The following NADK2 variants were observed in gnomAD, a reference collection of about 807,000 sequenced individuals.
NADK2 encodes the protein NAD kinase domain-containing protein 1, mitochondrial.
Under a neutral mutation model 62.1 loss-of-function variants are expected in NADK2, and 35 were observed. The observed-to-expected ratio is 0.56, with a 90% CI of 0.43 to 0.75. The LOEUF (loss-of-function observed/expected upper bound fraction) is 0.75. Ranked by LOEUF, NADK2 falls within the 30% of genes least tolerant of loss-of-function variation. NADK2 has a pLI of 0.00. For synonymous variants in NADK2, 205 were observed against 207.9 expected (o/e 0.99, Z 0.12); for missense variants, 439 against 561.3 (o/e 0.78, Z 2.20).
intron 7 of NADK2, 29 bp from the exon 8 acceptor site, chr5:36,207,294 C>T (rs750073963): frequency 6.5e-7 from 1 of 1,530,872 alleles, no homozygotes; most frequent in Middle Eastern, 1.7e-4. Flanking sequence ...AAACTGTTTG[C>T]TGAGCTTATG....
intron 10 of NADK2, among the ~76,000 whole-genome samples, chr5:36,199,669 C>G (rs1431800668): frequency 6.6e-6 from 1 of 152,040 alleles, no homozygotes; most frequent in Non-Finnish European, 1.5e-5. Flanking sequence ...CTTTAACCCC[C>G]TCTTTTTACA....
chr5:36,199,065 G>C (rs186172925), intron 10 of NADK2, among the ~76,000 whole-genome samples: 65 of 151,918 alleles, frequency 4.3e-4, no homozygotes, highest in Non-Finnish European at 6.6e-4. Flanking sequence ...GTAGGGGGTG[G>C]GGGGAGGAAT....
intron 1 of NADK2, among the ~76,000 whole-genome samples, chr5:36,237,674 C>T (rs1214783877): frequency 6.6e-6 from 1 of 152,138 alleles, no homozygotes; most frequent in Non-Finnish European, 1.5e-5. Context: ...AAGAAGTGAT[C>T]AGAAGTGAAG....
rs762969043 is a variant in NADK2, at chr5:36,226,578, GA to G, written c.390-16del. 6.9e-6 allele frequency: 11 copies of G among 1,585,056 alleles called. No homozygotes were observed. In the East Asian group the frequency reaches 2.2e-4, roughly 32 times the overall value. On this transcript the variant is annotated splice_polypyrimidine_tract_variant and intron_variant, in intron 2 of 11. Transcript: ENST00000381937. ...TTCCCTCATTCCTAGGATAAAAAAGGAAAGGTTATATGAAATTTCCACTAAT... is the reference window on the plus strand; with the variant it reads ...TTCCCTCATTCCTAGGATAAAAAAGGAAGGTTATATGAAATTTCCACTAAT...
At chr5:36,211,383 C>T (rs1021608123) in intron 7 of NADK2, among the ~76,000 whole-genome samples, 6 of 151,888 alleles carry the variant, frequency 4.0e-5, no homozygotes, top group Non-Finnish European at 5.9e-5. Flanking sequence ...TGGTGAAACC[C>T]CATCTCTACT....
At position 36,195,042 on chromosome 5, in the gene NADK2, C is replaced by T; in HGVS notation, c.*102G>A. On this transcript the variant is annotated 3_prime_UTR_variant, in exon 12 of 12. Coordinates refer to ENST00000381937, the MANE Select transcript of NADK2 (RefSeq NM_001085411.3). ...TCTCACTTCTGAGCCCACGGGCAAGCAGTCTCAACAATAACCAAAAAATGT... is the reference window on the plus strand; with the variant it reads ...TCTCACTTCTGAGCCCACGGGCAAGTAGTCTCAACAATAACCAAAAAATGT... 4 of 1,227,744 alleles carry T rather than the reference C, an allele frequency of 3.3e-6. No individual in the cohort carries two copies. Among genetic ancestry groups the T allele is most frequent in the Non-Finnish European group, 4.5e-6 (4 of 889,680 alleles). 76.1% of individuals were successfully genotyped at this position (1,227,744 alleles called of 1,614,324 possible).
At chr5:36,200,477 C>T (rs1024858345) in intron 9 of NADK2, among the ~76,000 whole-genome samples, 197 bp from the exon 10 acceptor site, 2 of 151,750 alleles carry the variant, frequency 1.3e-5, no homozygotes, top group African/African-American at 4.8e-5. Context: ...CAGTAGCCCC[C>T]CCTCGCCCTT....
chr5:36,207,064 C>A (rs1746666908), intron 8 of NADK2, 106 bp downstream of exon 8: 2 of 857,332 alleles, frequency 2.3e-6, no homozygotes. Context: ...ACCTACATAA[C>A]ACCACCAGGA....
chr5:36,221,999 A>G (rs1747288191), intron 4 of NADK2: 1 of 151,838 alleles, frequency 6.6e-6, no homozygotes, highest in Non-Finnish European at 1.5e-5. Context: ...TCATTTTTCA[A>G]TTCATTTATT....
chr5:36,212,174 C>T (rs776365158), intron 6 of NADK2: 1 of 296,326 alleles, frequency 3.4e-6, no homozygotes, highest in Non-Finnish European at 6.2e-6. Flanking sequence ...GAAGCAATTT[C>T]TCAAGAGTGA....
chr5:36,199,223 A>C (rs1746350892), intron 10 of NADK2, among the ~76,000 whole-genome samples: 1 of 152,096 alleles, frequency 6.6e-6, no homozygotes, highest in Non-Finnish European at 1.5e-5. Context: ...TAAAAAAAAG[A>C]AAAAGATATT....
chr5:36,226,535 T>C lies in NADK2; in HGVS notation c.418A>G (p.Lys140Glu), dbSNP rs1747490433. Reference sequence around the variant, plus strand: ...GTCTCTTCATCATATTCTCTCCTCTTTACTAGACGAACCTCAATTCCCTCA... The same window carrying C: ...GTCTCTTCATCATATTCTCTCCTCTCTACTAGACGAACCTCAATTCCCTCA... The part of the protein sequence containing the change: ...RNEGIEVRLV[K>E]RREYDEETVR... Residue 140 changes from lysine to glutamate, a missense_variant, in exon 3 of 12, where the codon AAG becomes GAG. By Grantham distance (56) the Lys-to-Glu change is moderately conservative. Coordinates refer to ENST00000381937, the MANE Select transcript of NADK2 (RefSeq NM_001085411.3). The C allele has an allele frequency of 1.2e-6, 2 of 1,612,978 alleles. No homozygotes were observed. Among genetic ancestry groups the C allele is most frequent in the Non-Finnish European group, 1.7e-6 (2 of 1,179,498 alleles).
At chr5:36,236,854 C>A in intron 1 of NADK2, among the ~76,000 whole-genome samples, 1 of 123,826 alleles carries the variant, frequency 8.1e-6, no homozygotes. Context: ...AGAGTAATGT[C>A]TGAGCTTAAC....
intron 4 of NADK2, among the ~76,000 whole-genome samples, 200 bp from the exon 5 acceptor site, chr5:36,219,879 A>AG (rs1747200180): frequency 6.6e-6 from 1 of 152,226 alleles, no homozygotes; most frequent in Non-Finnish European, 1.5e-5. Context: ...TTAGTAGTCT[A>AG]CATCCAGCTT....
chr5:36,223,842 A>G (rs1218878395), intron 4 of NADK2, among the ~76,000 whole-genome samples: 1 of 152,196 alleles, frequency 6.6e-6, no homozygotes, highest in Non-Finnish European at 1.5e-5. Flanking sequence ...ACACAGGGTA[A>G]AGGATTTTTA....
Position 36,205,977 on chromosome 5 carries a change from G to A in NADK2, c.956+1193C>T, listed in dbSNP as rs896262274. The stretch of plus-strand genomic sequence containing the variant: ...ACTATGCAGCCATAAAAAAGAATGA[G>A]TTCATGTCCTTTGTAGGGATATGGA... On this transcript the variant is annotated intron_variant, in intron 8 of 11. Coordinates refer to ENST00000381937, the MANE Select transcript of NADK2 (RefSeq NM_001085411.3). This position sits in a 1 kb window ranked among gnomAD's most constrained non-coding sequence, Gnocchi z 4.1. Among the ~76,000 whole-genome samples the A allele has an allele frequency of 2.6e-5, 4 of 152,072 alleles. No individual in the cohort carries two copies. The highest frequency in any genetic ancestry group is 9.7e-5 in the African/African-American group (4 of 41,388).
Position 36,226,490 on chromosome 5 carries a change from C to CA in NADK2, c.462dup (p.Val155CysfsTer7), listed in dbSNP as rs1236793380. ...AAATTATTACCTCCTGCAGCTATGA[C>CA]AGCATCTGCCCATCGAACAGTCTCT... is the stretch of plus-strand genomic sequence containing the variant. On this transcript the variant is annotated frameshift_variant, in exon 3 of 12. Coordinates refer to ENST00000381937, the MANE Select transcript of NADK2 (RefSeq NM_001085411.3). LOFTEE classifies it high-confidence loss of function. 1 of 1,612,280 alleles carries CA rather than the reference C, an allele frequency of 6.2e-7. No individual in the cohort carries two copies. The highest frequency in any genetic ancestry group is 1.3e-5 in the African/African-American group (1 of 74,866).
At chr5:36,220,665 T>C (rs1747231050) in intron 4 of NADK2, among the ~76,000 whole-genome samples, 1 of 152,226 alleles carries the variant, frequency 6.6e-6, no homozygotes, top group Non-Finnish European at 1.5e-5. Flanking sequence ...ATAAAAGGTA[T>C]CAACAGTCAT....
At chr5:36,227,590 GT>G in intron 1 of NADK2, 25 bp from the exon 2 acceptor site, 2 of 1,326,550 alleles carry the variant, frequency 1.5e-6, no homozygotes, top group Non-Finnish European at 2.0e-6. Flanking sequence ...AAGAAACGTT[GT>G]TTTACTAATA....
Sources: gnomAD v4.1 joint callset for allele counts (sites outside exome capture counted in the v4.1 genomes callset) on GRCh38, gnomAD v4.1.1 for gene constraint, Gnocchi (gnomAD v3.1) non-coding constraint, MANE v1.5 for transcripts, NCBI Gene and HGNC (gene_info 2026-07-23, HGNC 2026-07-21) for gene names.